ATOH1: variants seen among roughly 807,000 people sequenced by gnomAD.
The protein encoded by ATOH1 is atonal bHLH transcription factor 1.
A neutral mutation model predicts 20.7 loss-of-function variants in ATOH1; 9 were observed. That is an observed-to-expected ratio of 0.44 (90% CI 0.26 to 0.76). ATOH1 has a LOEUF of 0.76. ATOH1 is among the 30% of genes least tolerant of loss of function. The pLI is 0.20. For synonymous variants in ATOH1, 247 were observed against 214.3 expected (o/e 1.15, Z -1.33); for missense variants, 516 against 479.3 (o/e 1.08, Z -0.71).
In ATOH1 at chr4:93,829,659, G is replaced by A. The variant is rs1433017832; in HGVS notation, c.733G>A (p.Glu245Lys). ...HHHLRTAASY[E>K]GGAGNATAAG... ...CCACCTTCGCACCGCGGCCTCCTAT[G>A]AAGGGGGCGCGGGCAACGCGACCGC... Residue 245 changes from glutamate to lysine, a missense_variant, in exon 1 of 1, where the codon GAA becomes AAA. Glu to Lys is a moderately conservative substitution (Grantham distance 56). Coordinates refer to ENST00000306011, the MANE Select transcript of ATOH1 (RefSeq NM_005172.2). This position sits in a 1 kb window ranked among gnomAD's most constrained non-coding sequence, Gnocchi z 4.5. The A allele has an allele frequency of 3.2e-6, 5 of 1,584,182 alleles. No individual in the cohort carries two copies. In the South Asian group the frequency reaches 5.8e-5, roughly 18 times the overall value.
chr4:93,829,308 C>T lies in ATOH1; in HGVS notation c.382C>T (p.Leu128=). 1 of 1,613,458 alleles carries T rather than the reference C, an allele frequency of 6.2e-7. No homozygotes were observed. The highest frequency in any genetic ancestry group is 1.1e-5 in the South Asian group (1 of 91,004). The change falls in exon 1 of 1, where the codon CTG becomes TTG. Residue 128 remains leucine, a synonymous_variant. Transcript: ENST00000306011. This position sits in a 1 kb window ranked among gnomAD's most constrained non-coding sequence, Gnocchi z 4.5. The part of the protein sequence containing the change: ...SPGPVKVREQ[L]CKLKGGVVVD... ...CGGGCCGGTGAAAGTGCGGGAACAG[C>T]TGTGCAAGCTGAAAGGCGGGGTGGT...
chr4:93,829,888 A>C lies in ATOH1; in HGVS notation c.962A>C (p.Gln321Pro). Residue 321 changes from glutamine to proline, a missense_variant, in exon 1 of 1, where the codon CAG becomes CCG. Coordinates refer to ENST00000306011, the MANE Select transcript of ATOH1 (RefSeq NM_005172.2). This position sits in a 1 kb window ranked among gnomAD's most constrained non-coding sequence, Gnocchi z 4.5. ...LSPSLPGSIL[Q>P]PVQEENSKTS... Reference sequence around the variant, plus strand: ...CCTTCTCTCCCCGGGAGCATCTTGCAGCCAGTGCAGGAGGAAAACAGCAAA... The same window carrying C: ...CCTTCTCTCCCCGGGAGCATCTTGCCGCCAGTGCAGGAGGAAAACAGCAAA... The C allele has an allele frequency of 6.2e-7, 1 of 1,614,172 alleles. No homozygotes were observed. Among genetic ancestry groups the C allele is most frequent in the South Asian group, 1.1e-5 (1 of 91,090 alleles).
chr4:93,830,139 C>T lies in ATOH1; in HGVS notation c.*148C>T. 1.4e-6 allele frequency: 2 copies of T among 1,407,518 alleles called. No individual in the cohort carries two copies. The highest frequency in any genetic ancestry group is 1.7e-5 in the South Asian group (1 of 60,194). The allele number at this position is 1,407,518 out of a possible 1,614,324, so 87.2% of individuals were successfully genotyped here. A position where few individuals can be genotyped will look rare whatever the true frequency, so the allele number is the denominator to read the frequency against. ...GCAACGACTTGGCTTCAGATGGCAG[C>T]TACATTTGATGGTTTGCAAATGCCG... On this transcript the variant is annotated 3_prime_UTR_variant, in exon 1 of 1. Transcript: ENST00000306011.
Position 93,830,798 on chromosome 4 carries a change from TTTG to T in ATOH1, c.*810_*812del, listed in dbSNP as rs1735430148. On this transcript the variant is annotated 3_prime_UTR_variant, in exon 1 of 1. Transcript: ENST00000306011. ...ACGCATTTGGTCAATTTTATTTTGC[TTTG>T]TTAATATTAGAAAACTTATTTATTA... The T allele has an allele frequency of 6.0e-6, 1 of 167,116 alleles. No individual in the cohort carries two copies. The highest frequency in any genetic ancestry group is 2.4e-5 in the African/African-American group (1 of 41,462). 10.4% of individuals were successfully genotyped at this position (167,116 alleles called of 1,614,324 possible).
rs1735425060 is a variant in ATOH1, at chr4:93,830,608, G to T, written c.*617G>T. ...GTTGGCGTCTTTTAGGAAACTCCGCGCACGCACTTTATCAGCCGCTGCTGC... is the reference window on the plus strand; with the variant it reads ...GTTGGCGTCTTTTAGGAAACTCCGCTCACGCACTTTATCAGCCGCTGCTGC... On this transcript the variant is annotated 3_prime_UTR_variant, in exon 1 of 1. Coordinates refer to ENST00000306011, the MANE Select transcript of ATOH1 (RefSeq NM_005172.2). 1.8e-5 allele frequency: 3 copies of T among 166,562 alleles called. No individual in the cohort carries two copies. The highest frequency in any genetic ancestry group is 4.4e-5 in the Non-Finnish European group (3 of 68,102). 10.3% of individuals were successfully genotyped at this position (166,562 alleles called of 1,614,324 possible). A position where few individuals can be genotyped will look rare whatever the true frequency, so the allele number is the denominator to read the frequency against.
Position 93,830,182 on chromosome 4 carries a change from C to CT in ATOH1, c.*192dup, listed in dbSNP as rs1200833796. ...AAATGCCGCCGCTGTTCCAAACTTC[C>CT]TACGGTCCATATTGTTTGATGAAAA... On this transcript the variant is annotated 3_prime_UTR_variant, in exon 1 of 1. Transcript: ENST00000306011. The CT allele has an allele frequency of 8.0e-7, 1 of 1,246,092 alleles. No homozygotes were observed. Among genetic ancestry groups the CT allele is most frequent in the African/African-American group, 1.5e-5 (1 of 65,286 alleles). The allele number at this position is 1,246,092 out of a possible 1,614,324, so 77.2% of individuals were successfully genotyped here.
chr4:93,829,785 G>A lies in ATOH1; in HGVS notation c.859G>A (p.Val287Met), dbSNP rs368034043. Residue 287 changes from valine to methionine, a missense_variant, in exon 1 of 1, where the codon GTG becomes ATG. By Grantham distance (21) the Val-to-Met change is conservative. Transcript: ENST00000306011. This position sits in a 1 kb window ranked among gnomAD's most constrained non-coding sequence, Gnocchi z 4.5. ...SAPASAGGYS[V>M]QLDALHFSTF... Reference sequence around the variant, plus strand: ...CCCAGCTTCTGCGGGAGGGTACTCGGTGCAGCTGGACGCTCTGCACTTCTC... The same window carrying A: ...CCCAGCTTCTGCGGGAGGGTACTCGATGCAGCTGGACGCTCTGCACTTCTC... 1.2e-6 allele frequency: 2 copies of A among 1,611,886 alleles called. No individual in the cohort carries two copies. Among genetic ancestry groups the A allele is most frequent in the Non-Finnish European group, 1.7e-6 (2 of 1,179,016 alleles).
rs976844242 is a variant in ATOH1, at chr4:93,830,173, C to T, written c.*182C>T. On this transcript the variant is annotated 3_prime_UTR_variant, in exon 1 of 1. Coordinates refer to ENST00000306011, the MANE Select transcript of ATOH1 (RefSeq NM_005172.2). ...ATGGTTTGCAAATGCCGCCGCTGTT[C>T]CAAACTTCCTACGGTCCATATTGTT... 1.5e-5 allele frequency: 19 copies of T among 1,295,290 alleles called. No individual in the cohort carries two copies. The highest frequency in any genetic ancestry group is 3.4e-5 in the Admixed American group (1 of 29,166). The allele number at this position is 1,295,290 out of a possible 1,614,324, so 80.2% of individuals were successfully genotyped here. A position where few individuals can be genotyped will look rare whatever the true frequency, so the allele number is the denominator to read the frequency against.
Position 93,829,073 on chromosome 4 carries a change from C to T in ATOH1, c.147C>T (p.Tyr49=). 1.2e-6 allele frequency: 2 copies of T among 1,613,886 alleles called. No individual in the cohort carries two copies. Among genetic ancestry groups the T allele is most frequent in the Non-Finnish European group, 1.7e-6 (2 of 1,179,974 alleles). The change falls in exon 1 of 1, where the codon TAC becomes TAT. Residue 49 remains tyrosine (Y), a synonymous_variant. Coordinates refer to ENST00000306011, the MANE Select transcript of ATOH1 (RefSeq NM_005172.2). This position sits in a 1 kb window ranked among gnomAD's most constrained non-coding sequence, Gnocchi z 4.5. ...ATLQAREHPV[Y]PPELSLLDST... is the part of the protein sequence containing the mutation. ...TGCAGGCGAGAGAGCATCCCGTCTACCCGCCTGAGCTGTCCCTCCTGGACA... is the reference window on the plus strand; with the variant it reads ...TGCAGGCGAGAGAGCATCCCGTCTATCCGCCTGAGCTGTCCCTCCTGGACA...
In ATOH1 at chr4:93,829,288, C is replaced by G. The variant is rs1194318499; in HGVS notation, c.362C>G (p.Pro121Arg). 6.2e-7 allele frequency: 1 copy of G among 1,609,804 alleles called. No individual in the cohort carries two copies. Among genetic ancestry groups the G allele is most frequent in the African/African-American group, 1.3e-5 (1 of 75,008 alleles). ...GCCAGCAGCAGCAAGAGCCCCGGGCCGGTGAAAGTGCGGGAACAGCTGTGC... is the reference window on the plus strand; with the variant it reads ...GCCAGCAGCAGCAAGAGCCCCGGGCGGGTGAAAGTGCGGGAACAGCTGTGC... ...GGASSSKSPGPVKVREQLCKL... is the reference protein window; with the variant it reads ...GGASSSKSPGRVKVREQLCKL... Residue 121 changes from proline (P) to arginine (R), a missense_variant, in exon 1 of 1, where the codon CCG becomes CGG. Transcript: ENST00000306011. The surrounding 1 kb of genome is among the most constrained non-coding windows in gnomAD (Gnocchi z 4.5).
chr4:93,829,264 C>T lies in ATOH1; in HGVS notation c.338C>T (p.Ala113Val), dbSNP rs1205540724. ...CTGGTAAGGAGGAGCAGCGGCGGTG[C>T]CAGCAGCAGCAAGAGCCCCGGGCCG... ...GELVRRSSGG[A>V]SSSKSPGPVK... is the part of the protein sequence containing the mutation. The change falls in exon 1 of 1, where the codon GCC (alanine) becomes GTC (valine). Residue 113 changes from alanine to valine, a missense_variant. By Grantham distance (64) the Ala-to-Val change is moderately conservative. Transcript: ENST00000306011. The surrounding 1 kb of genome is among the most constrained non-coding windows in gnomAD (Gnocchi z 4.5). The T allele has an allele frequency of 2.7e-5, 43 of 1,598,964 alleles. No homozygotes were observed. Among genetic ancestry groups the T allele is most frequent in the Non-Finnish European group, 3.5e-5 (41 of 1,171,588 alleles).
chr4:93,829,593 C>G lies in ATOH1; in HGVS notation c.667C>G (p.Gln223Glu), dbSNP rs377300000. The change falls in exon 1 of 1, where the codon CAG becomes GAG. Residue 223 changes from glutamine (Q) to glutamate (E), a missense_variant. Gln to Glu is a conservative substitution (Grantham distance 29). Coordinates refer to ENST00000306011, the MANE Select transcript of ATOH1 (RefSeq NM_005172.2). The surrounding 1 kb of genome is among the most constrained non-coding windows in gnomAD (Gnocchi z 4.5). ...GCTACAAACGCCCAGCGGAGGGGAA[C>G]AGCCACCGCCGCCTCCAGCCTCCTG... ...ELLQTPSGGE[Q>E]PPPPPASCKS... The G allele has an allele frequency of 4.6e-5, 75 of 1,613,706 alleles. No individual in the cohort carries two copies. Among genetic ancestry groups the G allele is most frequent in the Non-Finnish European group, 5.9e-5 (70 of 1,179,870 alleles).
chr4:93,829,071 T>C lies in ATOH1; in HGVS notation c.145T>C (p.Tyr49His), dbSNP rs1170160741. The change falls in exon 1 of 1, where the codon TAC (tyrosine) becomes CAC (histidine). Residue 49 changes from tyrosine to histidine, a missense_variant. Physicochemically the swap from Tyr to His is moderately conservative, Grantham distance 83. Coordinates refer to ENST00000306011, the MANE Select transcript of ATOH1 (RefSeq NM_005172.2). This position sits in a 1 kb window ranked among gnomAD's most constrained non-coding sequence, Gnocchi z 4.5. The stretch of plus-strand genomic sequence containing the variant: ...TTTGCAGGCGAGAGAGCATCCCGTC[T>C]ACCCGCCTGAGCTGTCCCTCCTGGA... ...ATLQAREHPV[Y>H]PPELSLLDST... 2 of 1,613,868 alleles carry C rather than the reference T, an allele frequency of 1.2e-6. No individual in the cohort carries two copies. Among genetic ancestry groups the C allele is most frequent in the South Asian group, 1.1e-5 (1 of 91,070 alleles).
Position 93,830,054 on chromosome 4 carries a change from A to G in ATOH1, c.*63A>G. The stretch of plus-strand genomic sequence containing the variant: ...AACTGCCCTTTCCCAGTGCGCGGGA[A>G]GCCCCGCGGTTAAAGATCCCCGCAC... On this transcript the variant is annotated 3_prime_UTR_variant, in exon 1 of 1. Coordinates refer to ENST00000306011, the MANE Select transcript of ATOH1 (RefSeq NM_005172.2). The G allele has an allele frequency of 6.6e-7, 1 of 1,515,040 alleles. No individual in the cohort carries two copies. The highest frequency in any genetic ancestry group is 8.8e-7 in the Non-Finnish European group (1 of 1,135,002). The allele number at this position is 1,515,040 out of a possible 1,614,324, so 93.8% of individuals were successfully genotyped here. A position where few individuals can be genotyped will look rare whatever the true frequency, so the allele number is the denominator to read the frequency against.
Position 93,829,048 on chromosome 4 carries a change from T to C in ATOH1, c.122T>C (p.Leu41Ser), listed in dbSNP as rs1388299600. The C allele has an allele frequency of 2.5e-6, 4 of 1,613,692 alleles. No homozygotes were observed. Among genetic ancestry groups the C allele is most frequent in the Non-Finnish European group, 3.4e-6 (4 of 1,179,972 alleles). ...PPPPPQPPAT[L>S]QAREHPVYPP... ...CCGCCGCCGCAGCCACCTGCAACTT[T>C]GCAGGCGAGAGAGCATCCCGTCTAC... The change falls in exon 1 of 1, where the codon TTG (leucine) becomes TCG (serine). Residue 41 changes from leucine to serine, a missense_variant. Leu to Ser is a moderately radical substitution (Grantham distance 145, BLOSUM62 -2). Coordinates refer to ENST00000306011, the MANE Select transcript of ATOH1 (RefSeq NM_005172.2). This position sits in a 1 kb window ranked among gnomAD's most constrained non-coding sequence, Gnocchi z 4.5.
rs553793713 is a variant in ATOH1, at chr4:93,829,018, C to T, written c.92C>T (p.Pro31Leu). ...CCCCAGCCGCATCATCTCCCGCAAC[C>T]GCCGCCGCCGCCGCAGCCACCTGCA... Reference protein sequence around the residue: ...RQPQPHHLPQPPPPPQPPATL... With the variant: ...RQPQPHHLPQLPPPPQPPATL... The change falls in exon 1 of 1, where the codon CCG becomes CTG. Residue 31 changes from proline (P) to leucine (L), a missense_variant. Pro to Leu is a moderately conservative substitution (Grantham distance 98). Coordinates refer to ENST00000306011, the MANE Select transcript of ATOH1 (RefSeq NM_005172.2). This position sits in a 1 kb window ranked among gnomAD's most constrained non-coding sequence, Gnocchi z 4.5. The T allele has an allele frequency of 6.2e-7, 1 of 1,608,016 alleles. No individual in the cohort carries two copies. The highest frequency in any genetic ancestry group is 1.7e-5 in the Admixed American group (1 of 59,544).
rs1228021603 is a variant in ATOH1 at position 93,829,752 on chromosome 4, T to G, written c.826T>G (p.Phe276Val). The G allele has an allele frequency of 6.3e-7, 1 of 1,591,194 alleles. No individual in the cohort carries two copies. Among genetic ancestry groups the G allele is most frequent in the African/African-American group, 1.3e-5 (1 of 74,272 alleles). ...CCCGCCCGGGAGTTGCCGGACTCGC[T>G]TCTCAGCCCCAGCTTCTGCGGGAGG... is the stretch of plus-strand genomic sequence containing the variant. ...PTPPGSCRTR[F>V]SAPASAGGYS... Residue 276 changes from phenylalanine (F) to valine (V), a missense_variant, in exon 1 of 1, where the codon TTC becomes GTC. By Grantham distance (50) the Phe-to-Val change is conservative. Coordinates refer to ENST00000306011, the MANE Select transcript of ATOH1 (RefSeq NM_005172.2). The surrounding 1 kb of genome is among the most constrained non-coding windows in gnomAD (Gnocchi z 4.5).
Position 93,828,805 on chromosome 4 carries a change from A to C in ATOH1, c.-122A>C. On this transcript the variant is annotated 5_prime_UTR_variant, in exon 1 of 1. Coordinates refer to ENST00000306011, the MANE Select transcript of ATOH1 (RefSeq NM_005172.2). ...TGTGTGATCTCCGAGTGGGTGGGGG[A>C]GGGTCGAGGAGGGAAAAAAAAATAA... 3 of 1,090,530 alleles carry C rather than the reference A, an allele frequency of 2.8e-6. No individual in the cohort carries two copies. The highest frequency in any genetic ancestry group is 3.8e-6 in the Non-Finnish European group (3 of 784,386). 67.6% of individuals were successfully genotyped at this position (1,090,530 alleles called of 1,614,324 possible). A position where few individuals can be genotyped will look rare whatever the true frequency, so the allele number is the denominator to read the frequency against.
chr4:93,829,589 G>C lies in ATOH1; in HGVS notation c.663G>C (p.Gly221=), dbSNP rs773671771. The part of the protein sequence containing the change: ...LSELLQTPSG[G]EQPPPPPASC... ...AGCTGCTACAAACGCCCAGCGGAGG[G>C]GAACAGCCACCGCCGCCTCCAGCCT... The change falls in exon 1 of 1, where the codon GGG becomes GGC. Residue 221 remains glycine (G), a synonymous_variant. Transcript: ENST00000306011. This position sits in a 1 kb window ranked among gnomAD's most constrained non-coding sequence, Gnocchi z 4.5. 1 of 1,613,996 alleles carries C rather than the reference G, an allele frequency of 6.2e-7. No individual in the cohort carries two copies. The highest frequency in any genetic ancestry group is 2.2e-5 in the East Asian group (1 of 44,864).
Sources: allele counts gnomAD v4.1 joint callset, GRCh38; gene constraint gnomAD v4.1.1; non-coding constraint Gnocchi (gnomAD v3.1); transcripts MANE v1.5; gene names NCBI Gene and HGNC (gene_info 2026-07-23, HGNC 2026-07-21).